The following CCSER1 variants were observed in gnomAD, a reference collection of about 807,000 sequenced individuals.
CCSER1 encodes coiled-coil serine rich protein 1.
In CCSER1, 41 loss-of-function variants were observed where a neutral mutation model predicts 82.0. That is an observed-to-expected ratio of 0.50 (90% CI 0.39 to 0.65). The LOEUF (loss-of-function observed/expected upper bound fraction) is 0.65, where lower values mean the gene tolerates loss of function less well. Ranked by LOEUF, CCSER1 falls within the 30% of genes least tolerant of loss-of-function variation. The pLI, the probability that CCSER1 is intolerant of heterozygous loss-of-function variation, is 0.00. For synonymous variants in CCSER1, 414 were observed against 383.9 expected (o/e 1.08, Z -0.92); for missense variants, 1,119 against 1,064.2 (o/e 1.05, Z -0.72).
chr4:91,540,405 G>A (rs1207949872), intron 10 of CCSER1, among the ~76,000 whole-genome samples: 1 of 151,964 alleles, frequency 6.6e-6, no homozygotes, highest in Non-Finnish European at 1.5e-5. Context: ...TATTTTAATT[G>A]AGTTGTTTTC....
chr4:90,747,492 A>AT (rs1054659093), intron 7 of CCSER1, among the ~76,000 whole-genome samples: 43 of 152,268 alleles, frequency 2.8e-4, no homozygotes, highest in African/African-American at 9.9e-4. Context: ...GAGAAAAAAA[A>AT]AGAGAGGTGG....
At chr4:90,364,890 A>G (rs1554014076) in intron 3 of CCSER1, among the ~76,000 whole-genome samples, 1 of 150,924 alleles carries the variant, frequency 6.6e-6, no homozygotes, top group Non-Finnish European at 1.5e-5. Context: ...AAACTAACCT[A>G]TTTTTTTTTC....
At chr4:91,019,826 G>A (rs2150523478) in intron 9 of CCSER1, among the ~76,000 whole-genome samples, 2 of 152,190 alleles carry the variant, frequency 1.3e-5, no homozygotes, top group South Asian at 4.1e-4. Flanking sequence ...ACAGCATAAT[G>A]GTTTTGCCCA....
chr4:90,215,748 A>G (rs1364562241), intron 1 of CCSER1, among the ~76,000 whole-genome samples: 1 of 152,184 alleles, frequency 6.6e-6, no homozygotes, highest in African/African-American at 2.4e-5. Context: ...TGGAAAATGT[A>G]TCTTAGACCT....
intron 1 of CCSER1, among the ~76,000 whole-genome samples, chr4:90,278,647 G>A (rs1167901609): frequency 6.6e-6 from 1 of 151,798 alleles, no homozygotes; most frequent in African/African-American, 2.4e-5. Context: ...ACATAAAGAT[G>A]GGAACAATAG....
intron 1 of CCSER1, among the ~76,000 whole-genome samples, chr4:90,287,646 T>C (rs956758454): frequency 1.6e-4 from 24 of 151,870 alleles, no homozygotes; most frequent in Non-Finnish European, 3.1e-4. Flanking sequence ...TAAACTAACA[T>C]AGTAGATTCA....
chr4:91,141,597 T>C (rs949925071), intron 10 of CCSER1, among the ~76,000 whole-genome samples: 7 of 152,242 alleles, frequency 4.6e-5, no homozygotes, highest in Admixed American at 4.6e-4. Flanking sequence ...ATATGAGTGC[T>C]TGTGTCTTTT....
intron 10 of CCSER1, among the ~76,000 whole-genome samples, chr4:91,549,155 T>A (rs1179836496): frequency 6.6e-6 from 1 of 152,144 alleles, no homozygotes; most frequent in Non-Finnish European, 1.5e-5. Flanking sequence ...TACTAATAAG[T>A]CCATCAAAGT....
chr4:90,224,340 C>T (rs1560826676), intron 1 of CCSER1, among the ~76,000 whole-genome samples: 1 of 152,150 alleles, frequency 6.6e-6, no homozygotes. Flanking sequence ...ACCTAACAAA[C>T]ATTTGAAGTG....
intron 9 of CCSER1, among the ~76,000 whole-genome samples, chr4:91,073,947 T>G (rs1721693100): frequency 6.6e-6 from 1 of 152,124 alleles, no homozygotes; most frequent in African/African-American, 2.4e-5. Flanking sequence ...ACCCAGAGAC[T>G]TAAACAATAT....
At position 90,402,541 on chromosome 4, in the gene CCSER1, G is replaced by A. The variant is rs554904307; in HGVS notation, c.1603+2412G>A. ...AATTCTTAAAAATTGTCAAAGCCGG[G>A]CAAGAGTTGCATGGGGTGAAAAGTT... On this transcript the variant is annotated intron_variant, in intron 4 of 10. Coordinates refer to ENST00000509176, the MANE Select transcript of CCSER1 (RefSeq NM_001145065.2). Among the ~76,000 whole-genome samples the A allele has an allele frequency of 9.5e-4, 145 of 152,210 alleles. 1 individual carries two copies. Among genetic ancestry groups the A allele is most frequent in the African/African-American group, 3.2e-3 (133 of 41,556 alleles).
rs575487586 is a variant in CCSER1 at position 90,585,733 on chromosome 4, G to A, written c.1725-42292G>A. 3.7e-4 allele frequency among the ~76,000 whole-genome samples: 56 copies of A among 152,148 alleles called. No individual in the cohort carries two copies. In the South Asian group the frequency reaches 7.1e-3, roughly 19 times the overall value. ...AACATACGGGTGTGTGACTAAAAAT[G>A]TTAATGACAAAGTACTGATTTCTCA... On this transcript the variant is annotated intron_variant, in intron 5 of 10. Coordinates refer to ENST00000509176, the MANE Select transcript of CCSER1 (RefSeq NM_001145065.2).
intron 10 of CCSER1, among the ~76,000 whole-genome samples, chr4:91,329,803 G>T (rs1560592826): frequency 6.6e-6 from 1 of 151,934 alleles, no homozygotes; most frequent in Admixed American, 6.6e-5. Flanking sequence ...TGATTCTTTT[G>T]TATTTTTTTA....
chr4:91,390,335 A>G (rs1383047695), intron 10 of CCSER1, among the ~76,000 whole-genome samples: 1 of 151,808 alleles, frequency 6.6e-6, no homozygotes, highest in Non-Finnish European at 1.5e-5. Context: ...TAGCCTGCTG[A>G]TGTGATGGAT....
At chr4:90,335,616 G>T (rs1740236920) in intron 3 of CCSER1, among the ~76,000 whole-genome samples, 1 of 151,940 alleles carries the variant, frequency 6.6e-6, no homozygotes, top group African/African-American at 2.4e-5. Flanking sequence ...CCCTAAATTT[G>T]CTCATTGTCA....
At chr4:90,579,559 A>G (rs34516661) in intron 5 of CCSER1, among the ~76,000 whole-genome samples, 7,481 of 152,288 alleles carry the variant, frequency 0.049, 373 homozygotes, top group Admixed American at 0.17. Context: ...ATCTGCTTAT[A>G]TATAATTTTT....
intron 5 of CCSER1, among the ~76,000 whole-genome samples, chr4:90,540,801 T>C (rs1776008411): frequency 1.3e-5 from 2 of 152,066 alleles, no homozygotes; most frequent in Admixed American, 6.6e-5. Context: ...ATAAGAGCTT[T>C]AGTTTCCATA....
rs1205193361 is a variant in CCSER1 at position 91,601,697 on chromosome 4, A to C, written c.*2640A>C. 1 of 152,010 alleles carries C rather than the reference A, an allele frequency of 6.6e-6. No homozygotes were observed. 9.4% of individuals were successfully genotyped at this position (152,010 alleles called of 1,614,324 possible). A position where few individuals can be genotyped will look rare whatever the true frequency, so the allele number is the denominator to read the frequency against. ...GAAAAAGTGCTTGTTTTTCTGATGG[A>C]AGCAGTGGTCTTTTCTTTTCTTTCC... is the stretch of plus-strand genomic sequence containing the variant. On this transcript the variant is annotated 3_prime_UTR_variant, in exon 11 of 11. Transcript: ENST00000509176.
intron 10 of CCSER1, among the ~76,000 whole-genome samples, chr4:91,170,681 A>G (rs1285041518): frequency 1.3e-5 from 2 of 152,198 alleles, no homozygotes; most frequent in African/African-American, 4.8e-5. Context: ...AACTCATTGT[A>G]TAAGATTACA....
Sources: allele counts gnomAD v4.1 joint callset (sites outside exome capture counted in the v4.1 genomes callset), GRCh38; gene constraint gnomAD v4.1.1; transcripts MANE v1.5; gene names NCBI Gene and HGNC (gene_info 2026-07-23, HGNC 2026-07-21).